Variants in ATP9B observed in about 807,000 individuals in gnomAD.
ATP9B encodes ATPase phospholipid transporting 9B.
Under a neutral mutation model 146.1 loss-of-function variants are expected in ATP9B, and 110 were observed. The observed-to-expected ratio is 0.75, with a 90% CI of 0.65 to 0.88. The LOEUF (loss-of-function observed/expected upper bound fraction) is 0.88. Among genes scored for constraint, ATP9B ranks in the 40% least tolerant of loss-of-function variants. The pLI is 0.00. For synonymous variants in ATP9B, 604 were observed against 569.7 expected (o/e 1.06, Z -0.86); for missense variants, 1,499 against 1,496.4 (o/e 1.00, Z -0.03).
chr18:79,247,901 A>G (rs1243117581), intron 11 of ATP9B, among the ~76,000 whole-genome samples: 1 of 152,258 alleles, frequency 6.6e-6, no homozygotes, highest in African/African-American at 2.4e-5. Flanking sequence ...CATGTAGGTT[A>G]TGAAATAATT....
intron 9 of ATP9B, among the ~76,000 whole-genome samples, chr18:79,200,780 A>AGGTGGGAACTGTCGGGGTCAGAGCAGAG (rs1568389055): frequency 3.4e-4 from 5 of 14,744 alleles, no homozygotes; most frequent in Non-Finnish European, 4.8e-4. Context: ...TCAGAGCAGA[A>AGGTGGGAACTGTCGGGGTCAGAGCAGAG]GTAGTGGTGG....
At chr18:79,290,696 ATCT>A (rs1195668238) in intron 13 of ATP9B, among the ~76,000 whole-genome samples, 1 of 152,076 alleles carries the variant, frequency 6.6e-6, no homozygotes, top group African/African-American at 2.4e-5. Context: ...GAAATCACCC[ATCT>A]TCTGCCTTGC....
chr18:79,140,373 T>G (rs1160640172), intron 5 of ATP9B, among the ~76,000 whole-genome samples: 1 of 152,212 alleles, frequency 6.6e-6, no homozygotes, highest in Non-Finnish European at 1.5e-5. Context: ...CTCATTCATT[T>G]GGAATTAGGG....
chr18:79,179,186 A>G (rs186024060), intron 8 of ATP9B, among the ~76,000 whole-genome samples: 3 of 152,244 alleles, frequency 2.0e-5, no homozygotes, highest in African/African-American at 7.2e-5. Context: ...TTCACTCCCA[A>G]TATTGGTAGT....
In ATP9B at chr18:79,217,656, G is replaced by A. The variant is rs561645292; in HGVS notation, c.1107+3618G>A. Reference sequence around the variant, plus strand: ...ATGTAATTTATCCAGGGGAAGCCTCGGTATTGATACATGTTGAATGGAAGA... The same window carrying A: ...ATGTAATTTATCCAGGGGAAGCCTCAGTATTGATACATGTTGAATGGAAGA... On this transcript the variant is annotated intron_variant, in intron 11 of 29. Transcript: ENST00000426216. 6.8e-4 allele frequency among the ~76,000 whole-genome samples: 103 copies of A among 152,288 alleles called. 2 individuals carry two copies. In the South Asian group the frequency reaches 0.021, roughly 31 times the overall value.
intron 7 of ATP9B, among the ~76,000 whole-genome samples, chr18:79,170,484 T>A (rs2095053695): frequency 6.6e-6 from 1 of 152,246 alleles, no homozygotes; most frequent in Non-Finnish European, 1.5e-5. Context: ...GTCACACTTT[T>A]AGGTTGGCCT....
chr18:79,105,127 T>A (rs1256172501), intron 2 of ATP9B, among the ~76,000 whole-genome samples: 1 of 152,234 alleles, frequency 6.6e-6, no homozygotes, highest in African/African-American at 2.4e-5. Flanking sequence ...CCTGCTACAC[T>A]GAGAAATCAT....
intron 13 of ATP9B, among the ~76,000 whole-genome samples, chr18:79,282,497 AC>A (rs1319997254): frequency 6.6e-6 from 1 of 152,210 alleles, no homozygotes; most frequent in African/African-American, 2.4e-5. Context: ...AAGACCCTCT[AC>A]CAGCAAAAAG....
intron 12 of ATP9B, among the ~76,000 whole-genome samples, chr18:79,256,864 A>C (rs1027432788): frequency 1.3e-5 from 2 of 152,198 alleles, no homozygotes; most frequent in Non-Finnish European, 1.5e-5. Context: ...GAATCATCCT[A>C]CATATTCTTG....
chr18:79,126,447 TG>T (rs535553430), intron 5 of ATP9B, 72 bp downstream of exon 5: 7 of 1,030,588 alleles, frequency 6.8e-6, no homozygotes, highest in Non-Finnish European at 1.0e-5. Flanking sequence ...ACATAACAAA[TG>T]TATGAAAACA....
intron 1 of ATP9B, 30 bp downstream of exon 1, chr18:79,069,559 C>T: frequency 7.9e-7 from 1 of 1,273,206 alleles, no homozygotes; most frequent in South Asian, 2.2e-5. Context: ...CCCCGTTCCC[C>T]GCCGACGCTC....
In ATP9B at chr18:79,107,635, G is replaced by T. The variant is rs137876022; in HGVS notation, c.294-2720G>T. 1.5e-3 allele frequency among the ~76,000 whole-genome samples: 221 copies of T among 152,332 alleles called. 3 individuals carry two copies. Among genetic ancestry groups the T allele is most frequent in the African/African-American group, 5.0e-3 (208 of 41,578 alleles). ...GGAGCTTCCATAGGGTCACTTGCTG[G>T]TGATTGTCTCCAAAACATGACTTTA... On this transcript the variant is annotated intron_variant, in intron 2 of 29. Transcript: ENST00000426216.
chr18:79,077,232 CT>C (rs2072727786), intron 1 of ATP9B, among the ~76,000 whole-genome samples: 1 of 152,058 alleles, frequency 6.6e-6, no homozygotes, highest in African/African-American at 2.4e-5. Context: ...GATTTGGGAC[CT>C]TATTTAAATC....
intron 7 of ATP9B, among the ~76,000 whole-genome samples, chr18:79,173,237 G>A (rs1438054757): frequency 6.6e-6 from 1 of 152,066 alleles, no homozygotes; most frequent in Non-Finnish European, 1.5e-5. Context: ...GGAGTCCTTT[G>A]TCAGATATGT....
chr18:79,374,187 G>T, intron 28 of ATP9B, 86 bp downstream of exon 28: 1 of 1,427,682 alleles, frequency 7.0e-7, no homozygotes, highest in Non-Finnish European at 9.6e-7. Context: ...AATACATTGT[G>T]TTAAGTTGTG....
intron 1 of ATP9B, among the ~76,000 whole-genome samples, chr18:79,072,724 C>T (rs532258494): frequency 9.1e-4 from 79 of 87,128 alleles, no homozygotes; most frequent in Admixed American, 5.9e-3. Flanking sequence ...CCAGACCAGG[C>T]GGCTGCTGGG....
chr18:79,333,529 T>G (rs897034722), intron 17 of ATP9B, among the ~76,000 whole-genome samples: 1 of 152,258 alleles, frequency 6.6e-6, no homozygotes, highest in African/African-American at 2.4e-5. Context: ...TTTTAAAGTT[T>G]TAAATATACA....
chr18:79,237,476 T>C (rs976054759), intron 11 of ATP9B, among the ~76,000 whole-genome samples: 3 of 152,274 alleles, frequency 2.0e-5, no homozygotes, highest in African/African-American at 7.2e-5. Flanking sequence ...GATCCCTTTC[T>C]TTGCTAATAA....
intron 15 of ATP9B, among the ~76,000 whole-genome samples, chr18:79,316,171 G>C (rs2096678655): frequency 6.6e-6 from 1 of 152,134 alleles, no homozygotes; most frequent in South Asian, 2.1e-4. Flanking sequence ...AAAATCAAGT[G>C]ATGACATCGG....
Sources: gnomAD v4.1 joint callset for allele counts (sites outside exome capture counted in the v4.1 genomes callset) on GRCh38, gnomAD v4.1.1 for gene constraint, MANE v1.5 for transcripts, NCBI Gene and HGNC (gene_info 2026-07-23, HGNC 2026-07-21) for gene names.